ANKRD6: variants seen among roughly 807,000 people sequenced by gnomAD.
The protein encoded by ANKRD6 is ankyrin repeat domain 6.
Under a neutral mutation model 82.3 loss-of-function variants are expected in ANKRD6, and 56 were observed. That is an observed-to-expected ratio of 0.68 (90% CI 0.55 to 0.85). The LOEUF is 0.85. Among genes scored for constraint, ANKRD6 ranks in the 40% least tolerant of loss-of-function variants. ANKRD6 has a pLI of 0.00. For missense variants in ANKRD6, 852 were observed against 907.6 expected (o/e 0.94, Z 0.79); for synonymous variants, 347 against 352.1 (o/e 0.99, Z 0.16).
intron 6 of ANKRD6, among the ~76,000 whole-genome samples, chr6:89,612,863 A>G (rs1393689365): frequency 6.6e-6 from 1 of 152,204 alleles, no homozygotes; most frequent in East Asian, 1.9e-4. Context: ...TCGCTTCTTC[A>G]CAAAGAAGCT....
intron 1 of ANKRD6, among the ~76,000 whole-genome samples, chr6:89,510,865 C>T (rs867444207): frequency 3.3e-5 from 5 of 152,296 alleles, no homozygotes; most frequent in Non-Finnish European, 5.9e-5. Context: ...ATAGTAGGTG[C>T]TCAGTGTATA....
intron 1 of ANKRD6, among the ~76,000 whole-genome samples, chr6:89,544,554 A>G (rs1316093755): frequency 6.6e-6 from 1 of 151,966 alleles, no homozygotes; most frequent in Non-Finnish European, 1.5e-5. Context: ...CGCTACTAAT[A>G]ATACAAAAAA....
intron 1 of ANKRD6, among the ~76,000 whole-genome samples, chr6:89,504,291 G>A (rs1779586723): frequency 6.6e-6 from 1 of 152,260 alleles, no homozygotes; most frequent in South Asian, 2.1e-4. Flanking sequence ...ATGGGATGCT[G>A]TGAGGTTAAA....
chr6:89,569,561 A>G (rs142759062), intron 2 of ANKRD6, among the ~76,000 whole-genome samples: 2 of 152,298 alleles, frequency 1.3e-5, no homozygotes, highest in African/African-American at 4.8e-5. Context: ...AAATTTATAT[A>G]CAAGTTTTTG....
At chr6:89,555,699 C>G (rs1583257270) in intron 1 of ANKRD6, among the ~76,000 whole-genome samples, 1 of 152,038 alleles carries the variant, frequency 6.6e-6, no homozygotes, top group Admixed American at 6.6e-5. Flanking sequence ...TTTGGCCAAG[C>G]TAGGGTGCAG....
In ANKRD6 at chr6:89,615,497, G is replaced by A. The variant is rs577754216; in HGVS notation, c.616-1062G>A. Among the ~76,000 whole-genome samples the A allele has an allele frequency of 2.6e-5, 4 of 152,286 alleles. No individual in the cohort carries two copies. In the South Asian group the frequency reaches 8.3e-4, roughly 32 times the overall value. ...CTTGAGAGCTTTAAAAAGTCCCCCT[G>A]CCCAGCCCACATGGTAGACCAATGA... On this transcript the variant is annotated intron_variant, in intron 7 of 15. Transcript: ENST00000339746.
intron 1 of ANKRD6, among the ~76,000 whole-genome samples, chr6:89,525,037 G>A (rs1782303069): frequency 6.6e-6 from 1 of 152,036 alleles, no homozygotes; most frequent in Non-Finnish European, 1.5e-5. Flanking sequence ...GTTCATGCCT[G>A]TAATACCAGC....
At chr6:89,544,978 C>T (rs745685340) in intron 1 of ANKRD6, among the ~76,000 whole-genome samples, 10 of 151,896 alleles carry the variant, frequency 6.6e-5, no homozygotes, top group African/African-American at 7.3e-5. Flanking sequence ...CTTCGGGAGG[C>T]GGAGGCGGGC....
At chr6:89,623,086 T>C (rs1340178509) in intron 10 of ANKRD6, among the ~76,000 whole-genome samples, 3 of 151,832 alleles carry the variant, frequency 2.0e-5, no homozygotes, top group Non-Finnish European at 4.4e-5. Flanking sequence ...TTTGTTGAAA[T>C]CTAAACGATC....
At chr6:89,530,486 G>C (rs1031291307) in intron 1 of ANKRD6, among the ~76,000 whole-genome samples, 2 of 152,092 alleles carry the variant, frequency 1.3e-5, no homozygotes, top group Admixed American at 6.5e-5. Context: ...GTAGTTCACT[G>C]TTTTTTGTTT....
At position 89,433,750 on chromosome 6, in the gene ANKRD6, G is replaced by C. The variant is rs1366804189; in HGVS notation, c.-144+375G>C. Among the ~76,000 whole-genome samples, 1 of 152,122 alleles carries C rather than the reference G, an allele frequency of 6.6e-6. No individual in the cohort carries two copies. Among genetic ancestry groups the C allele is most frequent in the Non-Finnish European group, 1.5e-5 (1 of 67,988 alleles). ...CCGAGTACCCCGCGGTCTGCGGCGC[G>C]TAGGAGGGTAGGTCCCTGGCCTGCG... On this transcript the variant is annotated intron_variant, in intron 1 of 15. Coordinates refer to ENST00000339746, the MANE Select transcript of ANKRD6 (RefSeq NM_001242809.2). The surrounding 1 kb of genome is among the most constrained non-coding windows in gnomAD (Gnocchi z 4.3).
rs559084399 is a variant in ANKRD6 at position 89,594,960 on chromosome 6, C to T, written c.121-956C>T. Among the ~76,000 whole-genome samples, 9 of 152,244 alleles carry T rather than the reference C, an allele frequency of 5.9e-5. No homozygotes were observed. The South Asian group carries it at 1.9e-3, about 32-fold the overall frequency. On this transcript the variant is annotated intron_variant, in intron 2 of 15. Transcript: ENST00000339746. ...AGAGATAGGGTCTCGCTGTGTTGCCCAGGCTGATCGCAAACCCCTGGCATC... is the reference window on the plus strand; with the variant it reads ...AGAGATAGGGTCTCGCTGTGTTGCCTAGGCTGATCGCAAACCCCTGGCATC...
chr6:89,558,051 T>A (rs1786866024), intron 1 of ANKRD6, among the ~76,000 whole-genome samples: 1 of 152,316 alleles, frequency 6.6e-6, no homozygotes, highest in Non-Finnish European at 1.5e-5. Context: ...GCTTGGATCA[T>A]CCTGAAACCA....
chr6:89,609,375 C>T (rs1799612344), intron 5 of ANKRD6, among the ~76,000 whole-genome samples: 1 of 152,086 alleles, frequency 6.6e-6, no homozygotes, highest in Admixed American at 6.5e-5. Context: ...AATCTCGGCT[C>T]ACTGCAACCT....
At chr6:89,465,120 A>ATTT (rs1238834768) in intron 1 of ANKRD6, among the ~76,000 whole-genome samples, 37 of 138,806 alleles carry the variant, frequency 2.7e-4, no homozygotes, top group South Asian at 1.8e-3. Context: ...CATTGCTTTA[A>ATTT]TTTTTTTTTT....
chr6:89,586,382 C>T (rs561597851), intron 2 of ANKRD6, among the ~76,000 whole-genome samples: 3 of 152,256 alleles, frequency 2.0e-5, no homozygotes, highest in African/African-American at 4.8e-5. Flanking sequence ...GCTCTGTCAG[C>T]GTCAACCCAT....
At chr6:89,604,944 A>C (rs2128186122) in intron 4 of ANKRD6, among the ~76,000 whole-genome samples, 1 of 152,068 alleles carries the variant, frequency 6.6e-6, no homozygotes, top group South Asian at 2.1e-4. Context: ...ATTGCCCTGC[A>C]CCCTTCCTTC....
Position 89,630,795 on chromosome 6 carries a change from C to T in ANKRD6, c.1975C>T (p.Arg659Trp), listed in dbSNP as rs368360726. The T allele has an allele frequency of 1.5e-5, 25 of 1,613,760 alleles. No individual in the cohort carries two copies. Among genetic ancestry groups the T allele is most frequent in the South Asian group, 1.2e-4 (11 of 91,084 alleles). Reference protein sequence around the residue: ...TGSEQTGPHIRDTSQALELTQ... With the variant: ...TGSEQTGPHIWDTSQALELTQ... ...CAGCGAGCAGACTGGCCCTCACATT[C>T]GGGACACCTCCCAAGCTCTGGAGCT... Residue 659 changes from arginine (R) to tryptophan (W), a missense_variant, in exon 16 of 16, where the codon CGG becomes TGG. By Grantham distance (101) the Arg-to-Trp change is moderately radical. Transcript: ENST00000339746.
At chr6:89,490,953 G>A (rs1363412799) in intron 1 of ANKRD6, among the ~76,000 whole-genome samples, 1 of 152,146 alleles carries the variant, frequency 6.6e-6, no homozygotes, top group Non-Finnish European at 1.5e-5. Context: ...GTTTGGGTGA[G>A]CCCTAAATCT....
Sources: allele counts gnomAD v4.1 joint callset (sites outside exome capture counted in the v4.1 genomes callset), GRCh38; gene constraint gnomAD v4.1.1; non-coding constraint Gnocchi (gnomAD v3.1); transcripts MANE v1.5; gene names NCBI Gene and HGNC (gene_info 2026-07-23, HGNC 2026-07-21).